Variants in KCNAB1 observed in about 807,000 individuals in gnomAD.
The protein encoded by KCNAB1 is voltage-gated potassium channel subunit beta-1.
Under a neutral mutation model 64.6 loss-of-function variants are expected in KCNAB1, and 35 were observed. The ratio of observed to expected loss-of-function variants is 0.54; its 90% CI spans 0.41 to 0.72. The LOEUF (loss-of-function observed/expected upper bound fraction) is 0.72, where lower values mean the gene tolerates loss of function less well. KCNAB1 is among the 30% of genes least tolerant of loss of function. The probability of loss-of-function intolerance (pLI) is 0.00; values close to 1 mark genes in which losing one functional copy is unlikely to be tolerated. For missense variants in KCNAB1, 401 were observed against 512.9 expected (o/e 0.78, Z 2.11); for synonymous variants, 177 against 183.8 (o/e 0.96, Z 0.30).
intron 1 of KCNAB1, among the ~76,000 whole-genome samples, chr3:156,361,055 G>C (rs1304832476): frequency 6.6e-6 from 1 of 152,104 alleles, no homozygotes; most frequent in Non-Finnish European, 1.5e-5. Context: ...TGTCTTCCCA[G>C]TACACTCAGA....
chr3:156,430,475 T>C (rs1360050068), intron 2 of KCNAB1, among the ~76,000 whole-genome samples: 4 of 152,200 alleles, frequency 2.6e-5, no homozygotes, highest in Admixed American at 2.6e-4. Flanking sequence ...AAAGGTCCTC[T>C]CTAGGCCCAG....
At chr3:156,408,537 T>G (rs1714414496) in intron 1 of KCNAB1, among the ~76,000 whole-genome samples, 1 of 152,190 alleles carries the variant, frequency 6.6e-6, no homozygotes, top group Admixed American at 6.5e-5. Context: ...CCCAGCACTT[T>G]GGGAGGCCAA....
intron 3 of KCNAB1, among the ~76,000 whole-genome samples, chr3:156,455,782 A>T (rs1712368587): frequency 6.6e-6 from 1 of 152,160 alleles, no homozygotes; most frequent in Non-Finnish European, 1.5e-5. Context: ...TGCTTAAGAA[A>T]GGCAGCTGCC....
chr3:156,474,569 T>C (rs753380387), intron 7 of KCNAB1, 165 bp from the exon 8 acceptor site: 1 of 482,602 alleles, frequency 2.1e-6, no homozygotes, highest in Non-Finnish European at 3.8e-6. Flanking sequence ...CTTTCATATA[T>C]TTTTAAAACG....
At chr3:156,535,477 C>T (rs145985069) in intron 13 of KCNAB1, among the ~76,000 whole-genome samples, 3 of 152,236 alleles carry the variant, frequency 2.0e-5, no homozygotes, top group Admixed American at 6.5e-5. Context: ...GTCAGCATGT[C>T]GGTGCAAATG....
chr3:156,492,066 A>C (rs374379523), intron 8 of KCNAB1, among the ~76,000 whole-genome samples: 1 of 152,276 alleles, frequency 6.6e-6, no homozygotes, highest in East Asian at 1.9e-4. Context: ...ACTAGAATCC[A>C]ATTATCCAGA....
At chr3:156,451,355 A>G (rs972058617) in intron 2 of KCNAB1, among the ~76,000 whole-genome samples, 2 of 152,218 alleles carry the variant, frequency 1.3e-5, no homozygotes, top group Non-Finnish European at 2.9e-5. Flanking sequence ...GTACAATTAT[A>G]TGAATGTATT....
chr3:156,148,932 T>C (rs1715222242), intron 1 of KCNAB1, among the ~76,000 whole-genome samples: 2 of 152,224 alleles, frequency 1.3e-5, no homozygotes, highest in South Asian at 4.2e-4. Context: ...ATCTCACACA[T>C]GGGCTCCTAA....
At chr3:156,311,244 G>C (rs576557099) in intron 1 of KCNAB1, among the ~76,000 whole-genome samples, 1 of 152,314 alleles carries the variant, frequency 6.6e-6, no homozygotes, top group African/African-American at 2.4e-5. Flanking sequence ...AGCCAACAGA[G>C]GCTCAGTGGA....
intron 1 of KCNAB1, among the ~76,000 whole-genome samples, chr3:156,122,254 C>A (rs1226711875): frequency 6.6e-6 from 1 of 152,172 alleles, no homozygotes; most frequent in Non-Finnish European, 1.5e-5. Flanking sequence ...CAAACTATTA[C>A]ATATCTCACA....
chr3:156,317,498 G>A (rs1576717291), intron 1 of KCNAB1, among the ~76,000 whole-genome samples: 1 of 152,058 alleles, frequency 6.6e-6, no homozygotes, highest in East Asian at 1.9e-4. Context: ...GTAGATGTGT[G>A]TGTATATCCA....
At chr3:156,143,078 A>G in intron 1 of KCNAB1, 1 of 1,451,574 alleles carries the variant, frequency 6.9e-7, no homozygotes, top group South Asian at 1.6e-5. Context: ...CTTTTGAGGG[A>G]CATACTGAAG....
At chr3:156,295,174 G>A (rs150377928) in intron 1 of KCNAB1, among the ~76,000 whole-genome samples, 134 of 152,214 alleles carry the variant, frequency 8.8e-4, no homozygotes, top group African/African-American at 3.0e-3. Context: ...GGCCAACTTA[G>A]TTGATCCATT....
chr3:156,447,771 A>G (rs1054194136), intron 2 of KCNAB1, among the ~76,000 whole-genome samples: 4 of 152,194 alleles, frequency 2.6e-5, no homozygotes, highest in Admixed American at 6.5e-5. Context: ...CCTGGAAGAG[A>G]AAAAAAGACA....
intron 2 of KCNAB1, among the ~76,000 whole-genome samples, chr3:156,451,147 A>G (rs1482973503): frequency 6.6e-6 from 1 of 152,218 alleles, no homozygotes; most frequent in Non-Finnish European, 1.5e-5. Flanking sequence ...AAACATTTCA[A>G]GAAAAATCTT....
At chr3:156,357,159 G>GCGCGCACACACACA (rs545909634) in intron 1 of KCNAB1, among the ~76,000 whole-genome samples, 6 of 147,312 alleles carry the variant, frequency 4.1e-5, no homozygotes, top group African/African-American at 1.5e-4. Flanking sequence ...ACATGTGCGC[G>GCGCGCACACACACA]CACACACACA....
chr3:156,219,696 TTATTATTATTA>T (rs1254072441), intron 1 of KCNAB1, among the ~76,000 whole-genome samples: 2 of 6,162 alleles, frequency 3.2e-4, no homozygotes, highest in Admixed American at 5.2e-3. Context: ...AGGAATCTTT[TTATTATTATTA>T]TTATTATTAT....
intron 1 of KCNAB1, among the ~76,000 whole-genome samples, chr3:156,376,084 T>G (rs1711633742): frequency 6.6e-6 from 1 of 152,262 alleles, no homozygotes; most frequent in Non-Finnish European, 1.5e-5. Context: ...CATCCCAAAG[T>G]GCTGGGATTA....
chr3:156,185,786 A>G (rs924320264), intron 1 of KCNAB1, among the ~76,000 whole-genome samples: 1 of 151,872 alleles, frequency 6.6e-6, no homozygotes, highest in Admixed American at 6.6e-5. Context: ...TGGGAATTTC[A>G]TCTTCTATTT....
Sources: gnomAD v4.1 joint callset for allele counts (sites outside exome capture counted in the v4.1 genomes callset) on GRCh38, gnomAD v4.1.1 for gene constraint, MANE v1.5 for transcripts, NCBI Gene and HGNC (gene_info 2026-07-23, HGNC 2026-07-21) for gene names.